The following RGS7 variants were observed in gnomAD, a reference collection of about 807,000 sequenced individuals.
RGS7 encodes the protein regulator of G protein signaling 7.
Under a neutral mutation model 81.1 loss-of-function variants are expected in RGS7, and 27 were observed. That is an observed-to-expected ratio of 0.33 (90% CI 0.25 to 0.46). RGS7 has a LOEUF of 0.46. Ranked by LOEUF, RGS7 falls within the 20% of genes least tolerant of loss-of-function variation. The pLI is 1.00. For missense variants in RGS7, 396 were observed against 607.4 expected, an observed-to-expected ratio of 0.65 and a Z score of 3.66; for synonymous variants, 208 against 207.7, an observed-to-expected ratio of 1.00 and a Z score of -0.01.
chr1:241,278,527 G>A (rs2078318968), intron 2 of RGS7, among the ~76,000 whole-genome samples: 1 of 152,146 alleles, frequency 6.6e-6, no homozygotes, highest in Non-Finnish European at 1.5e-5. Context: ...TCTTTGCGGT[G>A]CAGAGTTGGG....
chr1:241,070,608 T>A (rs1295828597), intron 3 of RGS7, among the ~76,000 whole-genome samples: 1 of 152,178 alleles, frequency 6.6e-6, no homozygotes, highest in Non-Finnish European at 1.5e-5. Context: ...GAGCTAAGCC[T>A]GAAACAGATG....
intron 3 of RGS7, among the ~76,000 whole-genome samples, chr1:241,030,373 T>TATATATATATATATAC (rs374223475): frequency 2.2e-4 from 30 of 135,232 alleles, no homozygotes; most frequent in African/African-American, 7.4e-4. Context: ...TATATATATA[T>TATATATATATATATAC]ACATACACAC....
At chr1:241,277,491 C>T (rs1166035279) in intron 2 of RGS7, among the ~76,000 whole-genome samples, 1 of 151,948 alleles carries the variant, frequency 6.6e-6, no homozygotes, top group Non-Finnish European at 1.5e-5. Context: ...TAGTGATGGG[C>T]GCCTGTAGTC....
chr1:241,158,887 TCATATG>T (rs2069395354), intron 2 of RGS7, among the ~76,000 whole-genome samples: 1 of 152,194 alleles, frequency 6.6e-6, no homozygotes, highest in Non-Finnish European at 1.5e-5. Context: ...CCTGGGGTTT[TCATATG>T]CACTGAAAAT....
At chr1:241,284,173 C>G (rs1295370424) in intron 2 of RGS7, among the ~76,000 whole-genome samples, 2 of 152,094 alleles carry the variant, frequency 1.3e-5, no homozygotes, top group East Asian at 3.8e-4. Flanking sequence ...TTTTTGAGAT[C>G]TTTCTTGTCC....
At chr1:241,083,667 T>C (rs2063277107) in intron 3 of RGS7, among the ~76,000 whole-genome samples, 1 of 152,238 alleles carries the variant, frequency 6.6e-6, no homozygotes, top group Admixed American at 6.5e-5. Flanking sequence ...TTTTTCCTAA[T>C]GAACTTTAAG....
chr1:240,844,604 C>A (rs1331509389), intron 9 of RGS7, among the ~76,000 whole-genome samples: 2 of 152,142 alleles, frequency 1.3e-5, no homozygotes, highest in East Asian at 3.9e-4. Flanking sequence ...GACACTGTAT[C>A]TACAAATCTA....
chr1:240,878,488 TC>T lies in RGS7; in HGVS notation c.386-8370del, dbSNP rs1459347155. ...TCTTTTCTTTCTTTTCTTTTTTCTT[TC>T]TTTTTTTTTTTTTTTTGCTTTGATG... On this transcript the variant is annotated intron_variant, in intron 6 of 18. Coordinates refer to ENST00000440928, the MANE Select transcript of RGS7 (RefSeq NM_001364886.1). 2.6e-3 allele frequency among the ~76,000 whole-genome samples: 225 copies of T among 85,180 alleles called. No individual in the cohort carries two copies. The East Asian group carries it at 0.052, about 20-fold the overall frequency. The allele number at this position is 85,180 out of a possible 152,430, so 55.9% of individuals were successfully genotyped here.
chr1:241,327,941 C>A (rs762010067), intron 2 of RGS7, among the ~76,000 whole-genome samples: 1 of 151,884 alleles, frequency 6.6e-6, no homozygotes, highest in African/African-American at 2.4e-5. Flanking sequence ...AATAAAGTAA[C>A]CATATTTTCA....
chr1:241,328,725 C>T (rs1267970510), intron 2 of RGS7, among the ~76,000 whole-genome samples: 1 of 152,122 alleles, frequency 6.6e-6, no homozygotes, highest in Admixed American at 6.5e-5. Context: ...TGCTCTAATA[C>T]CTTACACTGT....
At chr1:240,945,231 C>T (rs192997675) in intron 4 of RGS7, among the ~76,000 whole-genome samples, 4 of 152,258 alleles carry the variant, frequency 2.6e-5, no homozygotes, top group East Asian at 1.9e-4. Context: ...TACTCTAACA[C>T]GAAAGAGAAA....
At chr1:240,990,018 T>A (rs73123720) in intron 3 of RGS7, among the ~76,000 whole-genome samples, 10,550 of 152,192 alleles carry the variant, frequency 0.069, 1,201 homozygotes, top group African/African-American at 0.24. Flanking sequence ...TGGGTTAAAA[T>A]CTCTGCCACT....
chr1:241,041,082 G>A (rs1422158766), intron 3 of RGS7, among the ~76,000 whole-genome samples: 1 of 152,100 alleles, frequency 6.6e-6, no homozygotes, highest in African/African-American at 2.4e-5. Flanking sequence ...CTCAGAAAAT[G>A]TAAAATGCTT....
intron 18 of RGS7, among the ~76,000 whole-genome samples, chr1:240,785,961 C>T (rs531906448): frequency 9.2e-5 from 14 of 152,240 alleles, no homozygotes; most frequent in African/African-American, 3.4e-4. Flanking sequence ...GAAGAGGATT[C>T]TGTAGTTAGT....
At chr1:241,120,792 AG>A (rs1196802852) in intron 2 of RGS7, among the ~76,000 whole-genome samples, 1 of 152,090 alleles carries the variant, frequency 6.6e-6, no homozygotes, top group Non-Finnish European at 1.5e-5. Flanking sequence ...TGACAAGTAA[AG>A]GGTCACTCCT....
At chr1:241,100,235 C>T (rs907007071) in intron 2 of RGS7, among the ~76,000 whole-genome samples, 22 of 151,906 alleles carry the variant, frequency 1.4e-4, no homozygotes, top group Admixed American at 7.2e-4. Flanking sequence ...ATTAGCCGGG[C>T]GCGGTGGCAG....
chr1:240,923,261 C>T (rs1673884380), intron 6 of RGS7, among the ~76,000 whole-genome samples: 1 of 152,028 alleles, frequency 6.6e-6, no homozygotes, highest in Non-Finnish European at 1.5e-5. Flanking sequence ...AAATGTTATA[C>T]ATTTCTGAAA....
intron 2 of RGS7, among the ~76,000 whole-genome samples, chr1:241,278,002 T>C (rs900846921): frequency 1.1e-4 from 16 of 152,228 alleles, no homozygotes; most frequent in Admixed American, 3.3e-4. Context: ...ATATTTACCA[T>C]TGAAAAACTC....
At chr1:241,218,073 G>A (rs965463062) in intron 2 of RGS7, among the ~76,000 whole-genome samples, 5 of 152,204 alleles carry the variant, frequency 3.3e-5, no homozygotes, top group Non-Finnish European at 5.9e-5. Flanking sequence ...GGATATGTGT[G>A]TGTGTGTATA....
Sources: allele counts gnomAD v4.1 joint callset (sites outside exome capture counted in the v4.1 genomes callset), GRCh38; gene constraint gnomAD v4.1.1; transcripts MANE v1.5; gene names NCBI Gene and HGNC (gene_info 2026-07-23, HGNC 2026-07-21).